The following BMERB1 variants were observed in gnomAD, a reference collection of about 807,000 sequenced individuals.
BMERB1 encodes the protein bMERB domain containing 1, also known as bMERB domain-containing protein 1.
BMERB1 carries 12 observed loss-of-function variants against 23.6 expected under a neutral mutation model. That is an observed-to-expected ratio of 0.51 (90% CI 0.33 to 0.82). BMERB1 has a LOEUF of 0.82. Among genes scored for constraint, BMERB1 ranks in the 40% least tolerant of loss-of-function variants. The pLI, the probability that BMERB1 is intolerant of heterozygous loss-of-function variation, is 0.03. For synonymous variants in BMERB1, 122 were observed against 96.6 expected, an observed-to-expected ratio of 1.26 and a Z score of -1.54; for missense variants, 247 against 255.4, an observed-to-expected ratio of 0.97 and a Z score of 0.22.
chr16:15,503,309 TCTCG>T (rs1372389639), intron 1 of BMERB1, among the ~76,000 whole-genome samples: 1 of 151,262 alleles, frequency 6.6e-6, no homozygotes, highest in East Asian at 1.9e-4. Context: ...TGAGACGGAG[TCTCG>T]CTCTGTTGCC....
At chr16:15,557,258 A>G (rs1186132787) in intron 2 of BMERB1, among the ~76,000 whole-genome samples, 1 of 152,188 alleles carries the variant, frequency 6.6e-6, no homozygotes, top group African/African-American at 2.4e-5. Context: ...GTTCTTGAAG[A>G]TAACATCTCT....
intron 2 of BMERB1, among the ~76,000 whole-genome samples, chr16:15,527,540 G>T (rs1370639520): frequency 6.6e-6 from 1 of 152,148 alleles, no homozygotes; most frequent in African/African-American, 2.4e-5. Context: ...TGGAGGCAGA[G>T]GTTGCAGTGA....
chr16:15,470,069 G>T (rs1487423212), intron 1 of BMERB1, among the ~76,000 whole-genome samples: 1 of 151,952 alleles, frequency 6.6e-6, no homozygotes, highest in Non-Finnish European at 1.5e-5. Context: ...CCAATTTTAG[G>T]GAGAAAAAAA....
chr16:15,449,093 T>C (rs2051017651), intron 1 of BMERB1, among the ~76,000 whole-genome samples: 1 of 152,204 alleles, frequency 6.6e-6, no homozygotes, highest in African/African-American at 2.4e-5. Context: ...CCCCGTTAAA[T>C]AACTGGTCCG....
At chr16:15,502,379 A>G (rs889049045) in intron 1 of BMERB1, 1 of 1,549,908 alleles carries the variant, frequency 6.5e-7, no homozygotes, top group Non-Finnish European at 8.7e-7. Context: ...AAAGAAAGGT[A>G]TGATCGCTCT....
At chr16:15,532,025 C>G (rs1290928876) in intron 2 of BMERB1, among the ~76,000 whole-genome samples, 1 of 152,168 alleles carries the variant, frequency 6.6e-6, no homozygotes, top group Non-Finnish European at 1.5e-5. Context: ...AGGCAATATC[C>G]TGACTTACAT....
At chr16:15,522,468 A>C (rs1255646908) in intron 2 of BMERB1, among the ~76,000 whole-genome samples, 4 of 152,046 alleles carry the variant, frequency 2.6e-5, no homozygotes, top group African/African-American at 4.8e-5. Flanking sequence ...AAGTGTGTGC[A>C]TTGTAGATAG....
chr16:15,570,535 C>T (rs1000728713), intron 3 of BMERB1, among the ~76,000 whole-genome samples: 1 of 152,082 alleles, frequency 6.6e-6, no homozygotes, highest in Admixed American at 6.5e-5. Context: ...ATTAGCACAA[C>T]GTACCTCTCC....
At chr16:15,496,527 C>T (rs559152117) in intron 1 of BMERB1, among the ~76,000 whole-genome samples, 82 of 152,004 alleles carry the variant, frequency 5.4e-4, no homozygotes, top group Non-Finnish European at 9.0e-4. Flanking sequence ...ATTAATAGAC[C>T]CACTTTACAA....
intron 2 of BMERB1, among the ~76,000 whole-genome samples, chr16:15,564,119 G>A (rs937992732): frequency 6.6e-6 from 1 of 152,134 alleles, no homozygotes; most frequent in African/African-American, 2.4e-5. Flanking sequence ...CATGCCAAAT[G>A]TCCCATCTTC....
rs376050950 is a variant in BMERB1 at position 15,517,122 on chromosome 16, C to G, written c.230+1694C>G. On this transcript the variant is annotated intron_variant, in intron 2 of 5. Coordinates refer to ENST00000300006, the MANE Select transcript of BMERB1 (RefSeq NM_033201.3). ...GGAAGGTTCTAGAACATTTCCACTT[C>G]ATGGCTAAGAAATATCTTCCCTTTT... Among the ~76,000 whole-genome samples, 10 of 152,236 alleles carry G rather than the reference C, an allele frequency of 6.6e-5. No individual in the cohort carries two copies. The East Asian group carries it at 7.7e-4, about 12-fold the overall frequency.
chr16:15,527,691 G>T (rs1360273807), intron 2 of BMERB1, among the ~76,000 whole-genome samples: 1 of 152,048 alleles, frequency 6.6e-6, no homozygotes, highest in African/African-American at 2.4e-5. Context: ...TGCTGAGAAA[G>T]ACAGGCAGGG....
chr16:15,574,015 A>C (rs2030797776), intron 3 of BMERB1, among the ~76,000 whole-genome samples: 1 of 147,010 alleles, frequency 6.8e-6, no homozygotes, highest in Admixed American at 6.9e-5. Context: ...GTCCATTTTC[A>C]CACTGCTGTC....
At chr16:15,505,859 G>A (rs1002627129) in intron 1 of BMERB1, among the ~76,000 whole-genome samples, 2 of 149,298 alleles carry the variant, frequency 1.3e-5, no homozygotes, top group African/African-American at 5.0e-5. Context: ...CTGCACTCCA[G>A]CCTGGGTGAC....
At chr16:15,585,932 A>C (rs1159900958) in intron 5 of BMERB1, among the ~76,000 whole-genome samples, 1 of 152,178 alleles carries the variant, frequency 6.6e-6, no homozygotes, top group Admixed American at 6.5e-5. Context: ...AAAATATAGA[A>C]CTATTTAAAA....
intron 3 of BMERB1, among the ~76,000 whole-genome samples, chr16:15,578,596 G>T (rs1398696566): frequency 6.6e-6 from 1 of 151,982 alleles, no homozygotes; most frequent in Non-Finnish European, 1.5e-5. Flanking sequence ...CTAGACCGGG[G>T]GCTTGTAAAC....
intron 1 of BMERB1, among the ~76,000 whole-genome samples, chr16:15,465,575 A>G (rs1450727748): frequency 1.3e-5 from 2 of 151,454 alleles, no homozygotes; most frequent in African/African-American, 4.9e-5. Flanking sequence ...CTGGTCTCAA[A>G]CTCCTGACCT....
chr16:15,477,934 A>C (rs2051287521), intron 1 of BMERB1, among the ~76,000 whole-genome samples: 1 of 152,088 alleles, frequency 6.6e-6, no homozygotes, highest in African/African-American at 2.4e-5. Context: ...ATCAGTTGTA[A>C]GAGAGAGGAC....
chr16:15,501,276 A>C, intron 1 of BMERB1, among the ~76,000 whole-genome samples: 1 of 142,018 alleles, frequency 7.0e-6, no homozygotes, highest in African/African-American at 2.6e-5. Context: ...CTCCGCACCC[A>C]GCTCTTTTTA....
Sources: gnomAD v4.1 joint callset for allele counts (sites outside exome capture counted in the v4.1 genomes callset) on GRCh38, gnomAD v4.1.1 for gene constraint, MANE v1.5 for transcripts, NCBI Gene and HGNC (gene_info 2026-07-23, HGNC 2026-07-21) for gene names.